Variants in MYT1L observed in about 807,000 individuals in gnomAD.
MYT1L encodes myelin transcription factor 1 like, also known as myelin transcription factor 1-like protein.
A neutral mutation model predicts 126.7 loss-of-function variants in MYT1L; 12 were observed. The ratio of observed to expected loss-of-function variants is 0.09; its 90% confidence interval spans 0.06 to 0.15. The LOEUF (loss-of-function observed/expected upper bound fraction) is 0.15, where lower values mean the gene tolerates loss of function less well. Ranked by LOEUF, MYT1L falls within the 10% of genes least tolerant of loss-of-function variation. The pLI, the probability that MYT1L is intolerant of heterozygous loss-of-function variation, is 1.00. For synonymous variants in MYT1L, 541 were observed against 604.2 expected, an observed-to-expected ratio of 0.90 and a Z score of 1.53; for missense variants, 979 against 1,585.2, an observed-to-expected ratio of 0.62 and a Z score of 6.49.
At chr2:1,990,012 A>G (rs866896889) in intron 5 of MYT1L, among the ~76,000 whole-genome samples, 1 of 152,230 alleles carries the variant, frequency 6.6e-6, no homozygotes, top group African/African-American at 2.4e-5. Context: ...AAAACCAAAC[A>G]ACAACAAAAA....
intron 14 of MYT1L, among the ~76,000 whole-genome samples, chr2:1,899,034 C>G (rs1227874824): frequency 6.6e-6 from 1 of 152,192 alleles, no homozygotes; most frequent in African/African-American, 2.4e-5. Flanking sequence ...TGGGAATAAT[C>G]AAAAGGAGAA....
chr2:2,291,936 T>C (rs2095605763), intron 1 of MYT1L, among the ~76,000 whole-genome samples: 1 of 152,170 alleles, frequency 6.6e-6, no homozygotes, highest in African/African-American at 2.4e-5. Flanking sequence ...ATTCTAAGAG[T>C]GCAGAGGAGC....
chr2:2,206,360 C>A (rs542411935), intron 2 of MYT1L, among the ~76,000 whole-genome samples: 1 of 152,246 alleles, frequency 6.6e-6, no homozygotes, highest in Admixed American at 6.5e-5. Context: ...CTAATGAAGT[C>A]TTAGTTATCC....
intron 1 of MYT1L, among the ~76,000 whole-genome samples, chr2:2,330,760 A>T (rs2096279952): frequency 6.6e-6 from 1 of 152,170 alleles, no homozygotes; most frequent in Non-Finnish European, 1.5e-5. Context: ...TAAGTCATGC[A>T]ACCTAATACC....
At chr2:2,116,996 G>A (rs2080298667) in intron 3 of MYT1L, among the ~76,000 whole-genome samples, 1 of 152,236 alleles carries the variant, frequency 6.6e-6, no homozygotes, top group African/African-American at 2.4e-5. Context: ...GGAGAGCTAT[G>A]AGAAAGAAGC....
chr2:1,830,490 G>C (rs1450745892), intron 21 of MYT1L, among the ~76,000 whole-genome samples: 1 of 152,002 alleles, frequency 6.6e-6, no homozygotes, highest in Non-Finnish European at 1.5e-5. Flanking sequence ...GGGTGTTCTC[G>C]GCACCCCGAA....
intron 3 of MYT1L, among the ~76,000 whole-genome samples, chr2:2,168,276 A>G (rs1262270188): frequency 2.0e-5 from 3 of 152,182 alleles, no homozygotes; most frequent in African/African-American, 7.2e-5. Flanking sequence ...GAGGGTGTGC[A>G]TTGTGTTTCA....
intron 4 of MYT1L, among the ~76,000 whole-genome samples, chr2:2,025,458 C>T (rs969956074): frequency 6.6e-6 from 1 of 152,176 alleles, no homozygotes; most frequent in Non-Finnish European, 1.5e-5. Context: ...CTTGTTGAAT[C>T]AAAGTCAATT....
At chr2:2,183,677 C>G (rs559956900) in intron 2 of MYT1L, among the ~76,000 whole-genome samples, 1 of 151,794 alleles carries the variant, frequency 6.6e-6, no homozygotes, top group Admixed American at 6.6e-5. Context: ...AATTCAGAAT[C>G]CCACATGTAG....
chr2:1,814,157 A>T (rs1228055380), intron 21 of MYT1L, among the ~76,000 whole-genome samples: 4 of 151,010 alleles, frequency 2.6e-5, no homozygotes. Context: ...CCCGCTGTCC[A>T]CTCACGAATT....
In MYT1L at chr2:2,292,581, G is replaced by A. The variant is rs369342913; in HGVS notation, c.-520-8078C>T. 1.7e-4 allele frequency among the ~76,000 whole-genome samples: 26 copies of A among 152,246 alleles called. No homozygotes were observed. The East Asian group carries it at 2.1e-3, about 13-fold the overall frequency. ...GGGACAGCCTCCCATCCCTGTTGGGGCTCAGCGCGGGGCCCTGCCGGGACA... is the reference window on the plus strand; with the variant it reads ...GGGACAGCCTCCCATCCCTGTTGGGACTCAGCGCGGGGCCCTGCCGGGACA... On this transcript the variant is annotated intron_variant, in intron 1 of 24. Coordinates refer to ENST00000647738, the MANE Select transcript of MYT1L (RefSeq NM_001303052.2).
intron 2 of MYT1L, among the ~76,000 whole-genome samples, chr2:2,239,048 T>A (rs1173022441): frequency 6.6e-6 from 1 of 152,228 alleles, no homozygotes; most frequent in Non-Finnish European, 1.5e-5. Flanking sequence ...TGGCTCCTGA[T>A]CTCTAAAAAT....
intron 2 of MYT1L, among the ~76,000 whole-genome samples, chr2:2,275,201 A>AAT (rs1286255275): frequency 4.0e-4 from 38 of 94,234 alleles, no homozygotes; most frequent in African/African-American, 1.6e-3. Flanking sequence ...ATAATAATAA[A>AAT]ATGTGTGTGT....
chr2:2,229,578 A>G (rs559875901), intron 2 of MYT1L, among the ~76,000 whole-genome samples: 2 of 151,730 alleles, frequency 1.3e-5, no homozygotes, highest in Admixed American at 1.3e-4. Flanking sequence ...AGTAGCTGGG[A>G]ACACAGGTGG....
At chr2:1,923,652 T>G (rs1273058164) in intron 9 of MYT1L, among the ~76,000 whole-genome samples, 2 of 152,262 alleles carry the variant, frequency 1.3e-5, no homozygotes, top group Non-Finnish European at 2.9e-5. Context: ...CTCACATTAC[T>G]AGGCTTTCTA....
chr2:1,857,862 ATT>A (rs59356359), intron 18 of MYT1L, among the ~76,000 whole-genome samples: 270 of 147,112 alleles, frequency 1.8e-3, no homozygotes, highest in African/African-American at 6.2e-3. Flanking sequence ...ACATATTACT[ATT>A]TTTTTTTTTT....
At chr2:2,314,787 C>T (rs1220216836) in intron 1 of MYT1L, among the ~76,000 whole-genome samples, 2 of 152,036 alleles carry the variant, frequency 1.3e-5, no homozygotes, top group African/African-American at 4.8e-5. Context: ...TACTACCAGG[C>T]TACAGTAATG....
intron 1 of MYT1L, chr2:2,327,167 G>C (rs1411517907): frequency 2.0e-5 from 3 of 152,078 alleles, no homozygotes; most frequent in Non-Finnish European, 4.4e-5. Context: ...TTTAAATATT[G>C]GGGTGGTATG....
intron 3 of MYT1L, among the ~76,000 whole-genome samples, chr2:2,136,942 A>C (rs1421394164): frequency 6.6e-6 from 1 of 152,216 alleles, no homozygotes; most frequent in Non-Finnish European, 1.5e-5. Flanking sequence ...AGAAAACCCC[A>C]TCGTCTCAGC....
Sources: gnomAD v4.1 joint callset for allele counts (sites outside exome capture counted in the v4.1 genomes callset) on GRCh38, gnomAD v4.1.1 for gene constraint, MANE v1.5 for transcripts, NCBI Gene and HGNC (gene_info 2026-07-23, HGNC 2026-07-21) for gene names.